DAG1: variants seen among roughly 807,000 people sequenced by gnomAD.
DAG1 encodes the protein dystroglycan 1, also known as dystroglycan 1 (dystrophin-associated glycoprotein 1).
DAG1 carries 8 observed loss-of-function variants against 46.1 expected under a neutral mutation model. The observed-to-expected ratio is 0.17, with a 90% CI of 0.10 to 0.31. The LOEUF (loss-of-function observed/expected upper bound fraction) is 0.31, where lower values mean the gene tolerates loss of function less well. Ranked by LOEUF, DAG1 falls within the 10% of genes least tolerant of loss-of-function variation. The pLI is 1.00. For synonymous variants in DAG1, 495 were observed against 481.8 expected (o/e 1.03, Z -0.36); for missense variants, 1,003 against 1,189.9 (o/e 0.84, Z 2.31).
intron 1 of DAG1, among the ~76,000 whole-genome samples, chr3:49,499,300 C>T (rs748559710): frequency 9.9e-5 from 15 of 151,956 alleles, no homozygotes; most frequent in African/African-American, 4.8e-5. Flanking sequence ...TTTGGGAGGC[C>T]GAGGCAGGAG....
intron 2 of DAG1, among the ~76,000 whole-genome samples, chr3:49,511,903 C>T (rs568682110): frequency 6.6e-6 from 1 of 152,304 alleles, no homozygotes; most frequent in African/African-American, 2.4e-5. Flanking sequence ...GTAGCCTTTA[C>T]AATATATAAA....
In DAG1 at chr3:49,509,372, CACT is replaced by C. The variant is rs563046836; in HGVS notation, c.-116-1046_-116-1044del. 2.1e-3 allele frequency among the ~76,000 whole-genome samples: 315 copies of C among 152,262 alleles called. 2 individuals are homozygous for C. Among genetic ancestry groups the C allele is most frequent in the Middle Eastern group, 6.8e-3 (2 of 294 alleles). ...AGGTTACATTGAGCTATGAACATGA[CACT>C]GTACTCTATCCTGGGCCACAGAGCA... On this transcript the variant is annotated intron_variant, in intron 1 of 2. Coordinates refer to ENST00000308775, the MANE Select transcript of DAG1 (RefSeq NM_004393.6).
At chr3:49,497,960 A>G (rs2050358667) in intron 1 of DAG1, among the ~76,000 whole-genome samples, 1 of 152,224 alleles carries the variant, frequency 6.6e-6, no homozygotes, top group Admixed American at 6.5e-5. Flanking sequence ...AACCACCGCC[A>G]GCAGAAGCCA....
Position 49,533,003 on chromosome 3 carries a change from A to C in DAG1, c.2492A>C (p.Tyr831Ser). The stretch of plus-strand genomic sequence containing the variant: ...AAGGCTCCCCTACCCCCTCCTGAGT[A>C]CCCCAACCAGAGTGTGCCCGAGACC... The part of the protein sequence containing the change: ...EEKAPLPPPE[Y>S]PNQSVPETTP... The change falls in exon 3 of 3, where the codon TAC (tyrosine) becomes TCC (serine). Residue 831 changes from tyrosine to serine, a missense_variant. Tyr to Ser is a moderately radical substitution (Grantham distance 144, BLOSUM62 -2). Coordinates refer to ENST00000308775, the MANE Select transcript of DAG1 (RefSeq NM_004393.6). The C allele has an allele frequency of 6.2e-7, 1 of 1,613,964 alleles. No individual in the cohort carries two copies.
At chr3:49,491,943 T>C (rs996969987) in intron 1 of DAG1, among the ~76,000 whole-genome samples, 64 of 151,264 alleles carry the variant, frequency 4.2e-4, no homozygotes, top group Non-Finnish European at 2.2e-4. Context: ...TTTTTTTTTT[T>C]TGAGACGGAG....
At chr3:49,488,121 G>T (rs901940384) in intron 1 of DAG1, among the ~76,000 whole-genome samples, 1 of 151,974 alleles carries the variant, frequency 6.6e-6, no homozygotes, top group African/African-American at 2.4e-5. Flanking sequence ...TATCATTCTG[G>T]CTAACTATTA....
chr3:49,500,418 C>T (rs1449455128), intron 1 of DAG1, among the ~76,000 whole-genome samples: 1 of 152,172 alleles, frequency 6.6e-6, no homozygotes, highest in Non-Finnish European at 1.5e-5. Context: ...GGCCCTACCC[C>T]AACTAGCTCT....
intron 1 of DAG1, among the ~76,000 whole-genome samples, chr3:49,499,810 G>T (rs987897947): frequency 3.3e-5 from 5 of 152,110 alleles, no homozygotes; most frequent in African/African-American, 1.2e-4. Flanking sequence ...GATGCCTGGT[G>T]TCCTTGCCAG....
chr3:49,507,469 AG>A (rs1347950621), intron 1 of DAG1, among the ~76,000 whole-genome samples: 1 of 152,130 alleles, frequency 6.6e-6, no homozygotes, highest in Admixed American at 6.5e-5. Flanking sequence ...AGGCTGAGGC[AG>A]GAGAATTGTT....
intron 1 of DAG1, among the ~76,000 whole-genome samples, chr3:49,480,432 C>T (rs1049240224): frequency 8.6e-5 from 13 of 151,452 alleles, no homozygotes; most frequent in South Asian, 2.1e-4. Context: ...CCTGCCACCA[C>T]GCCCGGCTAA....
rs1346192454 is a variant in DAG1 at position 49,533,145 on chromosome 3, C to T, written c.2634C>T (p.Ser878=). 4.3e-6 allele frequency: 7 copies of T among 1,614,058 alleles called. No homozygotes were observed. Among genetic ancestry groups the T allele is most frequent in the Non-Finnish European group, 5.9e-6 (7 of 1,180,046 alleles). The change falls in exon 3 of 3, where the codon TCC becomes TCT. Residue 878 remains serine (S), a synonymous_variant. Transcript: ENST00000308775. ...PFTAPMEGKG[S]RPKNMTPYRS... ...CAGCACCCATGGAGGGCAAGGGCTC[C>T]CGTCCCAAGAACATGACCCCATACC...
At position 49,532,076 on chromosome 3, in the gene DAG1, C is replaced by T; in HGVS notation, c.1565C>T (p.Thr522Ile). 8 of 1,614,218 alleles carry T rather than the reference C, an allele frequency of 5.0e-6. No homozygotes were observed. Among genetic ancestry groups the T allele is most frequent in the Non-Finnish European group, 6.8e-6 (8 of 1,180,038 alleles). The change falls in exon 3 of 3, where the codon ACT becomes ATT. Residue 522 changes from threonine (T) to isoleucine (I), a missense_variant. By Grantham distance (89) the Thr-to-Ile change is moderately conservative. Transcript: ENST00000308775. The surrounding 1 kb of genome is among the most constrained non-coding windows in gnomAD (Gnocchi z 5.4). ...TYFEVKIPSDTFYDHEDTTTD... is the reference protein window; with the variant it reads ...TYFEVKIPSDIFYDHEDTTTD... ...TTTGAGGTGAAGATCCCGTCAGACA[C>T]TTTCTATGACCATGAGGACACCACC... is the stretch of plus-strand genomic sequence containing the variant.
chr3:49,478,431 C>CAAAAAA lies in DAG1; in HGVS notation c.-117+7999_-117+8004dup, dbSNP rs35324265. 2.5e-4 allele frequency among the ~76,000 whole-genome samples: 16 copies of CAAAAAA among 64,822 alleles called. 1 individual carries two copies. The highest frequency in any genetic ancestry group is 8.6e-4 in the East Asian group (2 of 2,314). The allele number at this position is 64,822 out of a possible 152,430, so 42.5% of individuals were successfully genotyped here. ...GCAACAAAGAGAGACCCTGTCTCTA[C>CAAAAAA]AAAAAATAAAAAAAAAAAAAAAAAT... On this transcript the variant is annotated intron_variant, in intron 1 of 2. Coordinates refer to ENST00000308775, the MANE Select transcript of DAG1 (RefSeq NM_004393.6).
In DAG1 at chr3:49,530,810, G is replaced by A; in HGVS notation, c.299G>A (p.Gly100Glu). The A allele has an allele frequency of 1.2e-6, 2 of 1,614,192 alleles. No individual in the cohort carries two copies. The highest frequency in any genetic ancestry group is 1.7e-6 in the Non-Finnish European group (2 of 1,180,036). Reference protein sequence around the residue: ...SGDIIKVSAAGKEALPSWLHW... With the variant: ...SGDIIKVSAAEKEALPSWLHW... ...TGTCTCTTCTAGGTATCAGCGGCAG[G>A]GAAGGAGGCTTTGCCATCTTGGCTG... The change falls in exon 3 of 3, where the codon GGG (glycine) becomes GAG (glutamate). Residue 100 changes from glycine to glutamate, a missense_variant. Gly to Glu is a moderately conservative substitution (Grantham distance 98, BLOSUM62 -2). This residue lies in a region of DAG1 where 196 missense variants were observed against 239.1 expected (regional missense o/e 0.82). Coordinates refer to ENST00000308775, the MANE Select transcript of DAG1 (RefSeq NM_004393.6).
chr3:49,473,745 G>A (rs2049594657), intron 1 of DAG1, among the ~76,000 whole-genome samples: 1 of 151,732 alleles, frequency 6.6e-6, no homozygotes, highest in Admixed American at 6.6e-5. Context: ...ACCACGCCAG[G>A]CTAATTTTTT....
At chr3:49,486,700 A>T (rs2050038885) in intron 1 of DAG1, among the ~76,000 whole-genome samples, 1 of 151,018 alleles carries the variant, frequency 6.6e-6, no homozygotes, top group South Asian at 2.1e-4. Flanking sequence ...ACAGGGTTTC[A>T]CCCTGTTGGC....
rs111692562 is a variant in DAG1 at position 49,504,560 on chromosome 3, A to T, written c.-116-5859A>T. 1.1e-3 allele frequency among the ~76,000 whole-genome samples: 129 copies of T among 121,620 alleles called. No homozygotes were observed. The Middle Eastern group carries it at 0.024, about 22-fold the overall frequency. The allele number at this position is 121,620 out of a possible 152,430, so 79.8% of individuals were successfully genotyped here. ...TGTCTATGTATCTGTCCCTCCACCAATACAGTCTTTTTTTTTTTTTTTTTT... is the reference window on the plus strand; with the variant it reads ...TGTCTATGTATCTGTCCCTCCACCATTACAGTCTTTTTTTTTTTTTTTTTT... On this transcript the variant is annotated intron_variant, in intron 1 of 2. Coordinates refer to ENST00000308775, the MANE Select transcript of DAG1 (RefSeq NM_004393.6).
intron 1 of DAG1, among the ~76,000 whole-genome samples, chr3:49,505,516 A>G (rs2050581468): frequency 6.6e-6 from 1 of 152,098 alleles, no homozygotes; most frequent in Non-Finnish European, 1.5e-5. Flanking sequence ...TGATTTTTGA[A>G]TGTTTTTGTG....
intron 1 of DAG1, among the ~76,000 whole-genome samples, chr3:49,472,068 T>C (rs1247264099): frequency 6.6e-6 from 1 of 152,188 alleles, no homozygotes; most frequent in African/African-American, 2.4e-5. Flanking sequence ...GGGCCTGCCT[T>C]GTGCTCAGGA....
Sources: allele counts gnomAD v4.1 joint callset (sites outside exome capture counted in the v4.1 genomes callset), GRCh38; gene constraint gnomAD v4.1.1; regional missense constraint gnomAD v4.1.1; non-coding constraint Gnocchi (gnomAD v3.1); transcripts MANE v1.5; gene names NCBI Gene and HGNC (gene_info 2026-07-23, HGNC 2026-07-21).